XYLT1: variants seen among roughly 807,000 people sequenced by gnomAD.
The protein encoded by XYLT1 is xylosyltransferase 1.
XYLT1 carries 36 observed loss-of-function variants against 91.3 expected under a neutral mutation model. The observed-to-expected ratio is 0.39, with a 90% CI of 0.30 to 0.52. The LOEUF (loss-of-function observed/expected upper bound fraction) is 0.52, where lower values mean the gene tolerates loss of function less well. Among genes scored for constraint, XYLT1 ranks in the 20% least tolerant of loss-of-function variants. The probability of loss-of-function intolerance (pLI) is 0.68; values close to 1 mark genes in which losing one functional copy is unlikely to be tolerated. For synonymous variants in XYLT1, 588 were observed against 532.0 expected (o/e 1.11, Z -1.45); for missense variants, 1,242 against 1,284.5 (o/e 0.97, Z 0.51).
Position 17,470,568 on chromosome 16 carries a change from C to G in XYLT1, c.229G>C (p.Ala77Pro). 1 of 1,206,368 alleles carries G rather than the reference C, an allele frequency of 8.3e-7. No homozygotes were observed. The highest frequency in any genetic ancestry group is 4.1e-5 in the South Asian group (1 of 24,160). The allele number at this position is 1,206,368 out of a possible 1,614,324, so 74.7% of individuals were successfully genotyped here. The part of the protein sequence containing the change: ...RRDLPAEPAA[A>P]RGGGGGGGGG... ...CCGCCGCCTCCTCCTCCTCCTCGGG[C>G]TGCAGCCGGCTCGGCGGGCAGGTCC... Residue 77 changes from alanine (A) to proline (P), a missense_variant, in exon 1 of 12, where the codon GCC becomes CCC. Coordinates refer to ENST00000261381, the MANE Select transcript of XYLT1 (RefSeq NM_022166.4).
intron 2 of XYLT1, among the ~76,000 whole-genome samples, chr16:17,322,244 C>T (rs1280941021): frequency 1.3e-5 from 2 of 152,170 alleles, no homozygotes; most frequent in Non-Finnish European, 2.9e-5. Context: ...TTCTGTTAAA[C>T]TTCAAAGAGA....
At chr16:17,207,980 G>A (rs1189049499) in intron 3 of XYLT1, among the ~76,000 whole-genome samples, 1 of 152,032 alleles carries the variant, frequency 6.6e-6, no homozygotes, top group Non-Finnish European at 1.5e-5. Context: ...TATTTTTAAT[G>A]ACTTTTTTTT....
intron 1 of XYLT1, among the ~76,000 whole-genome samples, chr16:17,458,813 G>A (rs1446231881): frequency 3.3e-5 from 5 of 152,070 alleles, no homozygotes; most frequent in Non-Finnish European, 7.4e-5. Flanking sequence ...CGAGAAGAGT[G>A]TTGAAGCTGC....
chr16:17,421,986 G>T (rs2036256476), intron 1 of XYLT1, among the ~76,000 whole-genome samples: 1 of 151,976 alleles, frequency 6.6e-6, no homozygotes, highest in South Asian at 2.1e-4. Flanking sequence ...TACGTGTCTG[G>T]CTAGCTTTTT....
intron 3 of XYLT1, among the ~76,000 whole-genome samples, chr16:17,234,159 A>G (rs918183308): frequency 2.0e-5 from 3 of 152,180 alleles, no homozygotes; most frequent in African/African-American, 7.2e-5. Context: ...TTGCAGAGGA[A>G]AAACCTTAGA....
intron 5 of XYLT1, among the ~76,000 whole-genome samples, chr16:17,196,658 G>A (rs1186621662): frequency 1.3e-5 from 2 of 152,056 alleles, no homozygotes; most frequent in Non-Finnish European, 2.9e-5. Context: ...TGAACCCTAT[G>A]GCCTCATGCC....
intron 1 of XYLT1, among the ~76,000 whole-genome samples, chr16:17,390,952 C>T (rs928030550): frequency 1.3e-5 from 2 of 152,114 alleles, no homozygotes; most frequent in South Asian, 2.1e-4. Flanking sequence ...GCAGGAGAAT[C>T]GCTTGAACCT....
At chr16:17,335,847 C>A (rs1358843391) in intron 2 of XYLT1, among the ~76,000 whole-genome samples, 4 of 152,026 alleles carry the variant, frequency 2.6e-5, no homozygotes, top group Non-Finnish European at 5.9e-5. Flanking sequence ...AAACATTACT[C>A]CTAAATTAGT....
At chr16:17,176,530 G>A (rs761445062) in intron 5 of XYLT1, among the ~76,000 whole-genome samples, 88 of 152,192 alleles carry the variant, frequency 5.8e-4, no homozygotes, top group Non-Finnish European at 1.1e-3. Context: ...ACTTTCAACC[G>A]CTTTGCTGCA....
In XYLT1 at chr16:17,106,874, G is replaced by A. The variant is rs75801290; in HGVS notation, c.*1821C>T. ...CCCACTCAAAGCCAGTGGAAGATGCGGGTTGGAGCTTTCTTTGCGTGGTGT... is the reference window on the plus strand; with the variant it reads ...CCCACTCAAAGCCAGTGGAAGATGCAGGTTGGAGCTTTCTTTGCGTGGTGT... On this transcript the variant is annotated 3_prime_UTR_variant, in exon 12 of 12. Coordinates refer to ENST00000261381, the MANE Select transcript of XYLT1 (RefSeq NM_022166.4). 5,894 of 152,168 alleles carry A rather than the reference G, an allele frequency of 0.039. 289 individuals are homozygous for A. The highest frequency in any genetic ancestry group is 0.11 in the African/African-American group (4,707 of 41,490). 9.4% of individuals were successfully genotyped at this position (152,168 alleles called of 1,614,324 possible).
In XYLT1 at chr16:17,133,505, G is replaced by T. The variant is rs528166064; in HGVS notation, c.2027+968C>A. Among the ~76,000 whole-genome samples the T allele has an allele frequency of 2.0e-5, 3 of 151,932 alleles. No individual in the cohort carries two copies. The South Asian group carries it at 6.2e-4, about 32-fold the overall frequency. ...GAAGGGCCAGATTAAGCAAACTCTG[G>T]AACTTCTGCTCAATGGAATACTAGA... On this transcript the variant is annotated intron_variant, in intron 9 of 11. Transcript: ENST00000261381.
chr16:17,268,821 C>T lies in XYLT1; in HGVS notation c.403-9323G>A, dbSNP rs377190207. 8.4e-4 allele frequency among the ~76,000 whole-genome samples: 128 copies of T among 152,064 alleles called. No homozygotes were observed. The South Asian group carries it at 0.025, about 30-fold the overall frequency. On this transcript the variant is annotated intron_variant, in intron 2 of 11. Coordinates refer to ENST00000261381, the MANE Select transcript of XYLT1 (RefSeq NM_022166.4). ...CCAAGTAGCACGGATTACAGGTGCC[C>T]GCCACCATGCCCGACTAATTTTTGT...
chr16:17,257,894 C>T (rs1191874476), intron 3 of XYLT1, among the ~76,000 whole-genome samples: 2 of 152,174 alleles, frequency 1.3e-5, no homozygotes, highest in African/African-American at 4.8e-5. Context: ...TGGCTGCTGT[C>T]ATTCCCCTTC....
intron 1 of XYLT1, among the ~76,000 whole-genome samples, chr16:17,394,004 T>C (rs976095788): frequency 6.6e-6 from 1 of 152,086 alleles, no homozygotes; most frequent in Admixed American, 6.6e-5. Context: ...CTCGATCTCC[T>C]GACCTCATGA....
At chr16:17,366,639 G>A (rs575360163) in intron 1 of XYLT1, among the ~76,000 whole-genome samples, 2 of 152,294 alleles carry the variant, frequency 1.3e-5, no homozygotes, top group Admixed American at 6.5e-5. Context: ...AGGCTGCAGT[G>A]AGCCAAGATA....
Position 17,470,539 on chromosome 16 carries a change from TCCGCCG to T in XYLT1, c.252_257del (p.Gly89_Gly90del). Reference sequence around the variant, plus strand: ...CCTGGGGCCCCCGTCCTCCTCCTCCTCCGCCGCCGCCTCCTCCTCCTCCTCGGGCTG... The same window carrying T: ...CCTGGGGCCCCCGTCCTCCTCCTCCTCCGCCTCCTCCTCCTCCTCGGGCTG... On this transcript the variant is annotated inframe_deletion, in exon 1 of 12. Coordinates refer to ENST00000261381, the MANE Select transcript of XYLT1 (RefSeq NM_022166.4). The T allele has an allele frequency of 1.6e-6, 2 of 1,220,182 alleles. No homozygotes were observed. The highest frequency in any genetic ancestry group is 2.0e-6 in the Non-Finnish European group (2 of 981,400). 75.6% of individuals were successfully genotyped at this position (1,220,182 alleles called of 1,614,324 possible).
chr16:17,277,845 T>C (rs1300277379), intron 2 of XYLT1, among the ~76,000 whole-genome samples: 1 of 152,186 alleles, frequency 6.6e-6, no homozygotes, highest in Non-Finnish European at 1.5e-5. Context: ...CCTGATTTTG[T>C]TCTTTTGTAT....
chr16:17,131,524 G>T (rs1259377404), intron 9 of XYLT1, among the ~76,000 whole-genome samples: 1 of 152,120 alleles, frequency 6.6e-6, no homozygotes, highest in African/African-American at 2.4e-5. Context: ...CCCTGCAGGG[G>T]GCACACTGAG....
chr16:17,155,809 T>C (rs1192667598), intron 6 of XYLT1, among the ~76,000 whole-genome samples: 1 of 152,168 alleles, frequency 6.6e-6, no homozygotes, highest in Non-Finnish European at 1.5e-5. Context: ...AAGAAGCATT[T>C]CCTCAGCCTG....
Sources: gnomAD v4.1 joint callset for allele counts (sites outside exome capture counted in the v4.1 genomes callset) on GRCh38, gnomAD v4.1.1 for gene constraint, MANE v1.5 for transcripts, NCBI Gene and HGNC (gene_info 2026-07-23, HGNC 2026-07-21) for gene names.